Variants in USP25 observed in about 807,000 individuals in gnomAD.
USP25 encodes ubiquitin specific peptidase 25, also known as ubiquitin carboxyl-terminal hydrolase 25.
USP25 carries 85 observed loss-of-function variants against 158.5 expected under a neutral mutation model. The ratio of observed to expected loss-of-function variants is 0.54; its 90% CI spans 0.45 to 0.64. The LOEUF (loss-of-function observed/expected upper bound fraction) is 0.64. Ranked by LOEUF, USP25 falls within the 30% of genes least tolerant of loss-of-function variation. The pLI, the probability that USP25 is intolerant of heterozygous loss-of-function variation, is 0.00. For missense variants in USP25, 1,242 were observed against 1,327.3 expected (o/e 0.94, Z 1.00); for synonymous variants, 464 against 460.4 (o/e 1.01, Z -0.10).
At chr21:15,869,150 A>ACTT (rs2039778216) in intron 22 of USP25, among the ~76,000 whole-genome samples, 1 of 151,594 alleles carries the variant, frequency 6.6e-6, no homozygotes, top group Non-Finnish European at 1.5e-5. Flanking sequence ...TGGGAGACAG[A>ACTT]GGTAGGAGGA....
chr21:15,829,716 G>A (rs148009192), intron 14 of USP25, among the ~76,000 whole-genome samples: 9 of 152,102 alleles, frequency 5.9e-5, no homozygotes, highest in Non-Finnish European at 8.8e-5. Flanking sequence ...TATCACATAT[G>A]CTGCAGATAT....
At position 15,766,248 on chromosome 21, in the gene USP25, A is replaced by G; in HGVS notation, c.268+107A>G. On this transcript the variant is annotated intron_variant, in intron 3 of 25. Coordinates refer to ENST00000400183, the MANE Select transcript of USP25 (RefSeq NM_001283041.3). This position sits in a 1 kb window ranked among gnomAD's most constrained non-coding sequence, Gnocchi z 4.0. Reference sequence around the variant, plus strand: ...AGGAGAGGTAAAGAACCAAAAAAGAACTCTATTAACCTTGGTTCTTTTTAA... The same window carrying G: ...AGGAGAGGTAAAGAACCAAAAAAGAGCTCTATTAACCTTGGTTCTTTTTAA... 1 of 1,025,462 alleles carries G rather than the reference A, an allele frequency of 9.8e-7. No individual in the cohort carries two copies. 63.5% of individuals were successfully genotyped at this position (1,025,462 alleles called of 1,614,324 possible).
At chr21:15,876,280 C>T (rs2040094755) in intron 24 of USP25, 1 of 152,168 alleles carries the variant, frequency 6.6e-6, no homozygotes, top group Admixed American at 6.5e-5. Flanking sequence ...AGATTTATCT[C>T]ATTTTATTCT....
intron 1 of USP25, among the ~76,000 whole-genome samples, chr21:15,734,426 CTTA>C (rs993096352): frequency 2.0e-5 from 3 of 152,134 alleles, no homozygotes; most frequent in African/African-American, 7.2e-5. Context: ...AGTTGATTAT[CTTA>C]TTATTAGTAT....
chr21:15,842,324 A>C, intron 17 of USP25, 74 bp from the exon 18 acceptor site: 2 of 1,467,574 alleles, frequency 1.4e-6, no homozygotes, highest in Non-Finnish European at 1.8e-6. Flanking sequence ...AGACATAGAA[A>C]TGAATAAAAG....
intron 5 of USP25, among the ~76,000 whole-genome samples, chr21:15,797,979 A>G (rs1409329001): frequency 2.0e-5 from 3 of 151,050 alleles, no homozygotes; most frequent in African/African-American, 7.3e-5. Flanking sequence ...GCATGCAAGG[A>G]AAAAAAACAT....
At chr21:15,810,184 C>T (rs1002089110) in intron 8 of USP25, among the ~76,000 whole-genome samples, 8 of 152,062 alleles carry the variant, frequency 5.3e-5, no homozygotes, top group Non-Finnish European at 1.0e-4. Flanking sequence ...TGCACCTGAA[C>T]GTGAAGGGCC....
chr21:15,876,683 T>C (rs2040109829), intron 24 of USP25: 1 of 152,106 alleles, frequency 6.6e-6, no homozygotes, highest in Non-Finnish European at 1.5e-5. Flanking sequence ...CCAGGTCTCT[T>C]CCTCAACACC....
At position 15,833,416 on chromosome 21, in the gene USP25, T is replaced by C; in HGVS notation, c.2062T>C (p.Phe688Leu). 6.2e-7 allele frequency: 1 copy of C among 1,614,034 alleles called. No individual in the cohort carries two copies. The highest frequency in any genetic ancestry group is 8.5e-7 in the Non-Finnish European group (1 of 1,179,972). The change falls in exon 17 of 26, where the codon TTT becomes CTT. Residue 688 changes from phenylalanine (F) to leucine (L), a missense_variant. Transcript: ENST00000400183. ...IETLPPDLRDFVEEDNQRFEK... is the reference protein window; with the variant it reads ...IETLPPDLRDLVEEDNQRFEK... ...AACATTACCACCGGATTTGAGAGAT[T>C]TTGTTGAGGAAGACAACCAACGATT...
chr21:15,751,125 T>G (rs1020146586), intron 1 of USP25, among the ~76,000 whole-genome samples: 4 of 152,132 alleles, frequency 2.6e-5, no homozygotes, highest in African/African-American at 9.7e-5. Context: ...GAAATGAATT[T>G]GGGAGAGGCC....
chr21:15,844,066 G>C (rs936061056), intron 18 of USP25, among the ~76,000 whole-genome samples: 2 of 152,124 alleles, frequency 1.3e-5, no homozygotes, highest in African/African-American at 4.8e-5. Flanking sequence ...ATGACAGGGA[G>C]ACTATATGAT....
rs1019662562 is a variant in USP25, at chr21:15,766,434, G to A, written c.268+293G>A. 1.3e-5 allele frequency among the ~76,000 whole-genome samples: 2 copies of A among 152,068 alleles called. No homozygotes were observed. The highest frequency in any genetic ancestry group is 6.6e-5 in the Admixed American group (1 of 15,254). On this transcript the variant is annotated intron_variant, in intron 3 of 25. Transcript: ENST00000400183. This position sits in a 1 kb window ranked among gnomAD's most constrained non-coding sequence, Gnocchi z 4.0. ...AAAAGGAAGAACTAGAATTTTTAGT[G>A]GGCACAGTTATTTTGCAGATTTTAA...
intron 3 of USP25, among the ~76,000 whole-genome samples, chr21:15,772,975 G>A (rs753080775): frequency 7.1e-4 from 97 of 136,324 alleles, no homozygotes; most frequent in Non-Finnish European, 1.1e-3. Flanking sequence ...TGGATTAATA[G>A]GAAGATCATG....
chr21:15,789,904 A>G (rs549247967), intron 4 of USP25, among the ~76,000 whole-genome samples: 4 of 152,214 alleles, frequency 2.6e-5, no homozygotes, highest in Admixed American at 2.6e-4. Context: ...CTTTTTATAT[A>G]CTGTGCATTA....
intron 1 of USP25, among the ~76,000 whole-genome samples, chr21:15,747,838 G>A (rs2032686989): frequency 6.6e-6 from 1 of 152,136 alleles, no homozygotes; most frequent in African/African-American, 2.4e-5. Context: ...ATTGGTAACT[G>A]AAACTTCAAA....
At chr21:15,782,466 C>T (rs58116084) in intron 4 of USP25, among the ~76,000 whole-genome samples, 1 of 152,182 alleles carries the variant, frequency 6.6e-6, no homozygotes, top group African/African-American at 2.4e-5. Flanking sequence ...TGATAGCCAG[C>T]CCAGCAGTAA....
intron 9 of USP25, among the ~76,000 whole-genome samples, chr21:15,813,954 G>A (rs898835529): frequency 1.3e-5 from 2 of 151,476 alleles, no homozygotes; most frequent in South Asian, 2.1e-4. Context: ...ATTGTATCTC[G>A]CAGAATTCCG....
chr21:15,834,688 T>C (rs1043001433), intron 17 of USP25, among the ~76,000 whole-genome samples: 1 of 152,210 alleles, frequency 6.6e-6, no homozygotes, highest in Non-Finnish European at 1.5e-5. Flanking sequence ...TTCATGTAGA[T>C]CAAATAATTG....
chr21:15,730,512 G>A, intron 1 of USP25, 74 bp downstream of exon 1: 3 of 1,278,232 alleles, frequency 2.3e-6, no homozygotes, highest in South Asian at 2.2e-5. Flanking sequence ...GCGGCCGGGC[G>A]CCCCGGCCTC....
Sources: gnomAD v4.1 joint callset for allele counts (sites outside exome capture counted in the v4.1 genomes callset) on GRCh38, gnomAD v4.1.1 for gene constraint, Gnocchi (gnomAD v3.1) non-coding constraint, MANE v1.5 for transcripts, NCBI Gene and HGNC (gene_info 2026-07-23, HGNC 2026-07-21) for gene names.